The following LNX1 variants were observed in gnomAD, a reference collection of about 807,000 sequenced individuals.
LNX1 encodes ligand of numb-protein X 1.
Under a neutral mutation model 68.4 loss-of-function variants are expected in LNX1, and 54 were observed. That is an observed-to-expected ratio of 0.79 (90% confidence interval 0.63 to 0.99). The LOEUF (loss-of-function observed/expected upper bound fraction) is 0.99. LNX1 is among the 50% of genes least tolerant of loss of function. The probability of loss-of-function intolerance (pLI) is 0.00; values close to 1 mark genes in which losing one functional copy is unlikely to be tolerated. For synonymous variants in LNX1, 336 were observed against 350.0 expected, an observed-to-expected ratio of 0.96 and a Z score of 0.45; for missense variants, 906 against 926.4, an observed-to-expected ratio of 0.98 and a Z score of 0.29.
upstream of LNX1, among the ~76,000 whole-genome samples, chr4:53,594,271 A>C (rs1223507383): frequency 6.6e-6 from 1 of 152,128 alleles, no homozygotes; most frequent in South Asian, 2.1e-4. Context: ...GAGCTTATCA[A>C]ATCAACCCCA....
In LNX1 at chr4:53,461,299, G is replaced by A. The variant is rs1019389231; in HGVS notation, c.2051+136C>T. On this transcript the variant is annotated intron_variant, in intron 10 of 10. Transcript: ENST00000263925. ...ATGTGTAATTATTTTGGATTTCTCA[G>A]AAGTTGAATGCTACGTACATACTTT... 1.3e-5 allele frequency: 10 copies of A among 748,628 alleles called. No homozygotes were observed. The African/African-American group carries it at 1.4e-4, about 11-fold the overall frequency. 46.4% of individuals were successfully genotyped at this position (748,628 alleles called of 1,614,324 possible).
intron 2 of LNX1, among the ~76,000 whole-genome samples, chr4:53,597,994 GA>G (rs1732830801): frequency 6.6e-6 from 1 of 152,144 alleles, no homozygotes; most frequent in Admixed American, 6.5e-5. Context: ...AAAATCCCAT[GA>G]ACTAACTACA....
intron 2 of LNX1, among the ~76,000 whole-genome samples, chr4:53,534,689 A>G (rs951763400): frequency 6.6e-6 from 1 of 152,212 alleles, no homozygotes; most frequent in African/African-American, 2.4e-5. Context: ...CACTTGGCGT[A>G]AAACAACCTA....
intron 2 of LNX1, among the ~76,000 whole-genome samples, chr4:53,609,276 T>TA (rs59011653): frequency 7.8e-4 from 115 of 147,576 alleles, no homozygotes; most frequent in Non-Finnish European, 1.3e-3. Context: ...AAACTAAAAG[T>TA]AAAAAAAAAA....
chr4:53,602,190 A>T (rs1477451036), intron 2 of LNX1, among the ~76,000 whole-genome samples: 2 of 152,190 alleles, frequency 1.3e-5, no homozygotes, highest in African/African-American at 4.8e-5. Flanking sequence ...AAGGGGATGG[A>T]TCCAAATCTG....
chr4:53,488,666 G>A (rs1037301415), intron 6 of LNX1, among the ~76,000 whole-genome samples: 3 of 152,070 alleles, frequency 2.0e-5, no homozygotes, highest in African/African-American at 7.2e-5. Flanking sequence ...ATCGATTCCT[G>A]TCTTTACCTA....
At chr4:53,619,812 C>T (rs187676118), upstream of LNX1, among the ~76,000 whole-genome samples, 78 of 152,208 alleles carry the variant, frequency 5.1e-4, no homozygotes, top group African/African-American at 1.9e-3. Context: ...GTGGTTGCAC[C>T]GTTTTACACA....
chr4:53,628,395 A>C (rs1420230165), intron 1 of LNX1, among the ~76,000 whole-genome samples: 1 of 152,196 alleles, frequency 6.6e-6, no homozygotes. Flanking sequence ...AAAATGTTCA[A>C]CATCACTAAT....
chr4:53,498,611 T>A, intron 5 of LNX1, 30 bp downstream of exon 5: 2 of 1,574,972 alleles, frequency 1.3e-6, no homozygotes, highest in Non-Finnish European at 1.7e-6. Flanking sequence ...ATCAAGCCCC[T>A]TGCTGCAGCC....
chr4:53,598,088 G>T (rs1732835009), intron 2 of LNX1, among the ~76,000 whole-genome samples: 1 of 152,180 alleles, frequency 6.6e-6, no homozygotes, highest in Non-Finnish European at 1.5e-5. Flanking sequence ...TTGAGATTCA[G>T]TCCCAGGCAG....
chr4:53,557,308 C>T (rs1215133622), intron 2 of LNX1, among the ~76,000 whole-genome samples: 1 of 152,046 alleles, frequency 6.6e-6, no homozygotes, highest in Non-Finnish European at 1.5e-5. Context: ...AAATGTTAAC[C>T]CATTAAATCA....
intron 1 of LNX1, among the ~76,000 whole-genome samples, chr4:53,647,493 A>C (rs17663341): frequency 0.11 from 17,408 of 152,012 alleles, 1,161 homozygotes; most frequent in Non-Finnish European, 0.16. Context: ...ACCAAGAGAT[A>C]TTTTTCTGTA....
At chr4:53,565,714 C>A (rs1423966151) in intron 2 of LNX1, among the ~76,000 whole-genome samples, 10 of 150,132 alleles carry the variant, frequency 6.7e-5, no homozygotes, top group Non-Finnish European at 1.2e-4. Flanking sequence ...TACGGGAGGA[C>A]ATTCAAACCA....
intron 2 of LNX1, among the ~76,000 whole-genome samples, chr4:53,513,517 C>G (rs1726521878): frequency 6.6e-6 from 1 of 152,188 alleles, no homozygotes; most frequent in African/African-American, 2.4e-5. Context: ...GCAGCTCAAA[C>G]TTAACACTTT....
rs189379931 is a variant in LNX1, at chr4:53,534,222, T to C, written c.381-25995A>G. On this transcript the variant is annotated intron_variant, in intron 2 of 10. Coordinates refer to ENST00000263925, the MANE Select transcript of LNX1 (RefSeq NM_001126328.3). ...AACCTCATTGTTAATTATTCCACCA[T>C]TGCCTTCACGGCTTTGTTGGTTTGG... Among the ~76,000 whole-genome samples, 578 of 152,362 alleles carry C rather than the reference T, an allele frequency of 3.8e-3. 18 individuals carry two copies. The highest frequency in any genetic ancestry group is 0.035 in the Admixed American group (543 of 15,310).
In LNX1 at chr4:53,573,214, A is replaced by G. The variant is rs572683813; in HGVS notation, c.380+409T>C. 2.3e-3 allele frequency among the ~76,000 whole-genome samples: 344 copies of G among 152,266 alleles called. 2 individuals carry two copies. The highest frequency in any genetic ancestry group is 7.9e-3 in the African/African-American group (327 of 41,558). Reference sequence around the variant, plus strand: ...CATATCCATGGAGACAAAAAGTGGAATGGTGGCTGCCAGGGGCTGGGGGAA... The same window carrying G: ...CATATCCATGGAGACAAAAAGTGGAGTGGTGGCTGCCAGGGGCTGGGGGAA... On this transcript the variant is annotated intron_variant, in intron 2 of 10. Transcript: ENST00000263925.
At chr4:53,477,658 A>G (rs1723652114) in intron 8 of LNX1, among the ~76,000 whole-genome samples, 1 of 152,210 alleles carries the variant, frequency 6.6e-6, no homozygotes, top group East Asian at 1.9e-4. Context: ...TGCAGAAAAG[A>G]GAAATTAAAA....
At chr4:53,495,232 T>A (rs1724963658) in intron 6 of LNX1, among the ~76,000 whole-genome samples, 1 of 152,162 alleles carries the variant, frequency 6.6e-6, no homozygotes, top group Non-Finnish European at 1.5e-5. Flanking sequence ...GAAGGTGAGT[T>A]ACAATTGCAT....
At chr4:53,634,534 G>A (rs527369692) in intron 1 of LNX1, among the ~76,000 whole-genome samples, 4 of 152,096 alleles carry the variant, frequency 2.6e-5, no homozygotes, top group Admixed American at 1.3e-4. Flanking sequence ...GTGAGCCACC[G>A]CCCCCAGGCT....
Sources: gnomAD v4.1 joint callset for allele counts (sites outside exome capture counted in the v4.1 genomes callset) on GRCh38, gnomAD v4.1.1 for gene constraint, MANE v1.5 for transcripts, NCBI Gene and HGNC (gene_info 2026-07-23, HGNC 2026-07-21) for gene names.